The following NLGN4X variants were observed in gnomAD, a reference collection of about 807,000 sequenced individuals.
NLGN4X encodes the protein neuroligin-4, X-linked.
In NLGN4X, 3 loss-of-function variants were observed where a neutral mutation model predicts 40.3. The observed-to-expected ratio is 0.07, with a 90% CI of 0.03 to 0.19. The LOEUF (loss-of-function observed/expected upper bound fraction) is 0.19, where lower values mean the gene tolerates loss of function less well. Ranked by LOEUF, NLGN4X falls within the 10% of genes least tolerant of loss-of-function variation. The probability of loss-of-function intolerance (pLI) is 1.00; values close to 1 mark genes in which losing one functional copy is unlikely to be tolerated. For missense variants in NLGN4X, 382 were observed against 708.3 expected, an observed-to-expected ratio of 0.54 and a Z score of 5.23; for synonymous variants, 270 against 306.8, an observed-to-expected ratio of 0.88 and a Z score of 1.25.
At chrX:5,987,237 T>C (rs1419763733) in intron 3 of NLGN4X, among the ~76,000 whole-genome samples, 1 of 111,574 alleles carries the variant, frequency 9.0e-6, no homozygotes, top group African/African-American at 3.3e-5. Flanking sequence ...TAATAGAAAG[T>C]TGCATTCATT....
At chrX:6,202,982 C>G (rs1409391110) in intron 1 of NLGN4X, among the ~76,000 whole-genome samples, 2 of 112,259 alleles carry the variant, frequency 1.8e-5, no homozygotes, top group Non-Finnish European at 3.8e-5. Context: ...TCATGCCATC[C>G]CCATTTCCTC....
intron 2 of NLGN4X, among the ~76,000 whole-genome samples, chrX:6,084,791 T>G (rs2038456748): frequency 9.0e-6 from 1 of 110,774 alleles, no homozygotes; most frequent in African/African-American, 3.3e-5. Flanking sequence ...CTCTTTGCCC[T>G]TCTGCCATTT....
intron 1 of NLGN4X, among the ~76,000 whole-genome samples, chrX:6,217,990 C>T (rs1488340713): frequency 8.9e-6 from 1 of 112,008 alleles, no homozygotes. Context: ...TTGTCTACTT[C>T]TCATTGGTTC....
intron 5 of NLGN4X, among the ~76,000 whole-genome samples, chrX:5,894,447 G>T (rs974016052): frequency 8.0e-5 from 9 of 112,101 alleles, no homozygotes; most frequent in Admixed American, 6.6e-4. Context: ...ATGAAAGCAC[G>T]CTATGTTAGC....
intron 3 of NLGN4X, among the ~76,000 whole-genome samples, chrX:5,980,753 G>T (rs1189096707): frequency 1.8e-5 from 2 of 110,152 alleles, no homozygotes; most frequent in Non-Finnish European, 3.8e-5. Context: ...ATATTGATCA[G>T]GTTTTACATC....
chrX:6,169,737 C>T (rs933451959), intron 1 of NLGN4X, among the ~76,000 whole-genome samples: 5 of 112,160 alleles, frequency 4.5e-5, no homozygotes, highest in South Asian at 7.5e-4. Context: ...GCCAGCATGG[C>T]GCCATGAGCC....
intron 1 of NLGN4X, chrX:6,187,899 CAAAG>C (rs1922212992): frequency 1.8e-5 from 2 of 112,092 alleles, no homozygotes; most frequent in Middle Eastern, 4.6e-3. Flanking sequence ...CGACACAAAA[CAAAG>C]AAACACAGAT....
rs955580009 is a variant in NLGN4X at position 6,104,531 on chromosome X, T to G, written c.472+46464A>C. Among the ~76,000 whole-genome samples, 4 of 108,952 alleles carry G rather than the reference T, an allele frequency of 3.7e-5. No individual in the cohort carries two copies. In the East Asian group the frequency reaches 1.1e-3, roughly 31 times the overall value. 94.6% of individuals were successfully genotyped at this position (108,952 alleles called of 115,157 possible). A position where few individuals can be genotyped will look rare whatever the true frequency, so the allele number is the denominator to read the frequency against. On this transcript the variant is annotated intron_variant, in intron 2 of 5. Transcript: ENST00000381095. ...TTTATCCTGAAGATCTTTTTTGCTC[T>G]CTCTCTCTCTCTCTCTGCTCAGACT...
At chrX:6,073,357 A>G (rs1210183885) in intron 2 of NLGN4X, among the ~76,000 whole-genome samples, 2 of 112,713 alleles carry the variant, frequency 1.8e-5, no homozygotes, top group Non-Finnish European at 3.7e-5. Context: ...GAATTAATGA[A>G]TCCTATAGAA....
chrX:5,954,515 G>A (rs778644509), intron 3 of NLGN4X, among the ~76,000 whole-genome samples: 41 of 106,250 alleles, frequency 3.9e-4, no homozygotes, highest in Non-Finnish European at 7.2e-4. Flanking sequence ...GGATTACAGG[G>A]ATGAGCCACC....
At chrX:6,211,770 TATC>T (rs1924626645) in intron 1 of NLGN4X, among the ~76,000 whole-genome samples, 1 of 112,134 alleles carries the variant, frequency 8.9e-6, no homozygotes, top group African/African-American at 3.2e-5. Context: ...GATAGAGAAT[TATC>T]ATCTGTGTTT....
At chrX:6,022,276 C>T (rs2036577419) in intron 3 of NLGN4X, among the ~76,000 whole-genome samples, 1 of 111,556 alleles carries the variant, frequency 9.0e-6, no homozygotes, top group Non-Finnish European at 1.9e-5. Flanking sequence ...AGGAGACTGG[C>T]ATCAAGGTGT....
At chrX:6,044,538 T>C (rs1312079260) in intron 2 of NLGN4X, among the ~76,000 whole-genome samples, 1 of 111,154 alleles carries the variant, frequency 9.0e-6, no homozygotes, top group African/African-American at 3.3e-5. Flanking sequence ...TTATGGAAGA[T>C]TTTTAGGGTT....
At chrX:6,110,488 T>C (rs2039124338) in intron 2 of NLGN4X, among the ~76,000 whole-genome samples, 1 of 111,917 alleles carries the variant, frequency 8.9e-6, no homozygotes, top group Admixed American at 9.5e-5. Flanking sequence ...ACGCAGCAGA[T>C]TGGTTCTTCT....
In NLGN4X at chrX:6,082,964, T is replaced by G. The variant is rs1196619654; in HGVS notation, c.473-53532A>C. ...CCATGATGCGTTTTTTTCTTTTTTT[T>G]TTTTTTTTTTTTTGAGACGGAGTCT... On this transcript the variant is annotated intron_variant, in intron 2 of 5. Transcript: ENST00000381095. Among the ~76,000 whole-genome samples, 9 of 87,447 alleles carry G rather than the reference T, an allele frequency of 1.0e-4. No homozygotes were observed. In the Admixed American group the frequency reaches 1.1e-3, roughly 11 times the overall value. The allele number at this position is 87,447 out of a possible 115,157, so 75.9% of individuals were successfully genotyped here.
chrX:5,984,820 T>G (rs1244857831), intron 3 of NLGN4X, among the ~76,000 whole-genome samples: 1 of 112,086 alleles, frequency 8.9e-6, no homozygotes, highest in African/African-American at 3.2e-5. Context: ...CATTTAGCCA[T>G]GCAAACAGAG....
chrX:6,091,938 TCCTC>T (rs1323209728), intron 2 of NLGN4X, among the ~76,000 whole-genome samples: 11 of 108,858 alleles, frequency 1.0e-4, no homozygotes, highest in Non-Finnish European at 1.9e-4. Flanking sequence ...CTCTCTCCCT[TCCTC>T]CCTTTCTTTT....
chrX:5,964,714 T>G (rs2034770274), intron 3 of NLGN4X, among the ~76,000 whole-genome samples: 1 of 111,304 alleles, frequency 9.0e-6, no homozygotes, highest in Non-Finnish European at 1.9e-5. Flanking sequence ...GAGGGAGGGC[T>G]TGCTATGTGG....
intron 2 of NLGN4X, among the ~76,000 whole-genome samples, chrX:6,043,130 C>T (rs1036723998): frequency 1.2e-3 from 75 of 62,463 alleles, no homozygotes; most frequent in Non-Finnish European, 1.8e-3. Context: ...TCTATGCACG[C>T]GCATACACAC....
Sources: gnomAD v4.1 joint callset for allele counts (sites outside exome capture counted in the v4.1 genomes callset) on GRCh38, gnomAD v4.1.1 for gene constraint, MANE v1.5 for transcripts, NCBI Gene and HGNC (gene_info 2026-07-23, HGNC 2026-07-21) for gene names.